PSPH: variants seen among roughly 807,000 people sequenced by gnomAD.
PSPH encodes the protein L-3-phosphoserine phosphatase.
A neutral mutation model predicts 23.4 loss-of-function variants in PSPH; 16 were observed. That is an observed-to-expected ratio of 0.68 (90% CI 0.46 to 1.04). The LOEUF is 1.04. PSPH is among the 50% of genes least tolerant of loss of function. PSPH has a pLI of 0.00. For synonymous variants in PSPH, 68 were observed against 99.7 expected (o/e 0.68, Z 1.89); for missense variants, 223 against 273.7 (o/e 0.81, Z 1.31).
rs368510714 is a variant in PSPH at position 56,049,860 on chromosome 7, C to T, written c.-292+1278G>A. On this transcript the variant is annotated intron_variant, in intron 1 of 7. Transcript: ENST00000275605. ...AGTTCAAGCAATTCTCATGCCTCAG[C>T]CTCCCAAGTAGCTTGGATCACAGAT... Among the ~76,000 whole-genome samples, 53 of 151,996 alleles carry T rather than the reference C, an allele frequency of 3.5e-4. 1 individual carries two copies. In the South Asian group the frequency reaches 0.011, roughly 31 times the overall value.
At chr7:56,048,760 T>C (rs2117245347) in intron 1 of PSPH, among the ~76,000 whole-genome samples, 1 of 150,648 alleles carries the variant, frequency 6.6e-6, no homozygotes, top group African/African-American at 2.4e-5. Flanking sequence ...GCCACACAAG[T>C]AGCTGGGATT....
intron 3 of PSPH, among the ~76,000 whole-genome samples, chr7:56,031,293 G>C (rs1383754026): frequency 6.6e-6 from 1 of 152,012 alleles, no homozygotes; most frequent in Non-Finnish European, 1.5e-5. Context: ...AGGAGGGCAA[G>C]GACTGAGAAA....
chr7:56,036,964 A>G (rs1411588326), intron 1 of PSPH, among the ~76,000 whole-genome samples: 2 of 152,160 alleles, frequency 1.3e-5, no homozygotes, highest in Non-Finnish European at 2.9e-5. Flanking sequence ...ACCTGAGGTC[A>G]GGAGTTTGAG....
intron 5 of PSPH, among the ~76,000 whole-genome samples, chr7:56,017,716 CTTT>C: frequency 2.4e-5 from 2 of 82,390 alleles, no homozygotes; most frequent in South Asian, 4.5e-4. Context: ...CACCCAGTTA[CTTT>C]TTTTTTTTTT....
chr7:56,041,142 T>C (rs185294565), intron 1 of PSPH, among the ~76,000 whole-genome samples: 308 of 152,098 alleles, frequency 2.0e-3, no homozygotes, highest in Admixed American at 4.4e-3. Flanking sequence ...GGCGAGAGGA[T>C]TGCTTGAGCC....
chr7:56,021,885 G>T (rs1789515420), intron 3 of PSPH, among the ~76,000 whole-genome samples: 1 of 148,934 alleles, frequency 6.7e-6, no homozygotes, highest in African/African-American at 2.5e-5. Context: ...GGGAGGTGGA[G>T]CTTGCGGTGA....
At chr7:56,049,245 C>A (rs999395520) in intron 1 of PSPH, among the ~76,000 whole-genome samples, 1 of 151,536 alleles carries the variant, frequency 6.6e-6, no homozygotes, top group African/African-American at 2.4e-5. Flanking sequence ...AGTTTTAAAC[C>A]CTGCTTGCAT....
At chr7:56,044,563 G>A (rs1417844968) in intron 1 of PSPH, among the ~76,000 whole-genome samples, 2 of 152,100 alleles carry the variant, frequency 1.3e-5, no homozygotes, top group Non-Finnish European at 2.9e-5. Flanking sequence ...AATTAACAGT[G>A]TAAGAATAAT....
At chr7:56,048,539 C>T (rs766211540) in intron 1 of PSPH, among the ~76,000 whole-genome samples, 41 of 152,092 alleles carry the variant, frequency 2.7e-4, no homozygotes, top group Non-Finnish European at 3.7e-4. Flanking sequence ...AGATTGGATC[C>T]GGCATCACTG....
intron 7 of PSPH, among the ~76,000 whole-genome samples, chr7:56,013,228 A>G (rs1788174370): frequency 6.6e-6 from 1 of 151,694 alleles, no homozygotes; most frequent in African/African-American, 2.4e-5. Flanking sequence ...GCTTAGAAAT[A>G]AAATCCCTGG....
At chr7:56,025,659 T>C (rs1257223119) in intron 3 of PSPH, among the ~76,000 whole-genome samples, 1 of 151,926 alleles carries the variant, frequency 6.6e-6, no homozygotes, top group Admixed American at 6.6e-5. Flanking sequence ...AGTGGTGCAA[T>C]CTCGACTCAC....
chr7:56,020,218 T>C (rs1376832976), intron 4 of PSPH, among the ~76,000 whole-genome samples: 1 of 110,116 alleles, frequency 9.1e-6, no homozygotes, highest in Non-Finnish European at 1.7e-5. Context: ...AGATTCCATC[T>C]AAAAAAAAAA....
intron 4 of PSPH, chr7:56,019,956 C>G: frequency 1.6e-6 from 1 of 639,072 alleles, no homozygotes; most frequent in East Asian, 2.9e-5. Context: ...TGACTCATGC[C>G]CATAATCCCA....
At chr7:56,050,943 C>T (rs1299090081) in intron 1 of PSPH, among the ~76,000 whole-genome samples, 195 bp downstream of exon 1, 3 of 152,082 alleles carry the variant, frequency 2.0e-5, no homozygotes, top group Non-Finnish European at 2.9e-5. Flanking sequence ...CTTTGGAAGG[C>T]CGAGGCGGGA....
intron 1 of PSPH, among the ~76,000 whole-genome samples, chr7:56,035,266 G>A (rs1562817685): frequency 6.6e-6 from 1 of 152,026 alleles, no homozygotes; most frequent in African/African-American, 2.4e-5. Flanking sequence ...GCTTGAACCC[G>A]GGTGGGGGGA....
Position 56,011,589 on chromosome 7 carries a change from T to TAAAA in PSPH, c.*169_*172dup. 2.1e-6 allele frequency: 1 copy of TAAAA among 474,294 alleles called. No individual in the cohort carries two copies. Among genetic ancestry groups the TAAAA allele is most frequent in the Non-Finnish European group, 3.7e-6 (1 of 267,030 alleles). The allele number at this position is 474,294 out of a possible 1,614,324, so 29.4% of individuals were successfully genotyped here. ...CATCATATAATACTGGAACTACAGT[T>TAAAA]AAAAAAAAAAAAAAAGCAATCTTCT... On this transcript the variant is annotated 3_prime_UTR_variant, in exon 8 of 8. Transcript: ENST00000275605.
intron 1 of PSPH, among the ~76,000 whole-genome samples, chr7:56,050,712 G>T (rs1209291309): frequency 6.6e-6 from 1 of 152,204 alleles, no homozygotes. Context: ...GTGGGGAAAT[G>T]ATTATATTCA....
At chr7:56,031,659 GA>G (rs1318081441) in intron 3 of PSPH, among the ~76,000 whole-genome samples, 2 of 151,860 alleles carry the variant, frequency 1.3e-5, no homozygotes, top group African/African-American at 4.8e-5. Context: ...CTAAACATAC[GA>G]AAATTAGCCA....
intron 7 of PSPH, among the ~76,000 whole-genome samples, chr7:56,013,120 T>C (rs201284989): frequency 2.0e-5 from 3 of 148,240 alleles, no homozygotes; most frequent in East Asian, 4.0e-4. Context: ...TATATTTATA[T>C]ACACACACAT....
Sources: allele counts gnomAD v4.1 joint callset (sites outside exome capture counted in the v4.1 genomes callset), GRCh38; gene constraint gnomAD v4.1.1; transcripts MANE v1.5; gene names NCBI Gene and HGNC (gene_info 2026-07-23, HGNC 2026-07-21).